GLIS3: variants seen among roughly 807,000 people sequenced by gnomAD.
The protein encoded by GLIS3 is GLIS family zinc finger 3.
In GLIS3, 53 loss-of-function variants were observed where a neutral mutation model predicts 78.6. The ratio of observed to expected loss-of-function variants is 0.67; its 90% CI spans 0.54 to 0.85. The LOEUF is 0.85. Among genes scored for constraint, GLIS3 ranks in the 40% least tolerant of loss-of-function variants. The probability of loss-of-function intolerance (pLI) is 0.00; values close to 1 mark genes in which losing one functional copy is unlikely to be tolerated. For missense variants in GLIS3, 1,703 were observed against 1,231.1 expected (o/e 1.38, Z -5.74); for synonymous variants, 684 against 509.9 (o/e 1.34, Z -4.60).
chr9:4,316,872 TAGA>T (rs34252598), intron 2 of GLIS3, among the ~76,000 whole-genome samples: 63,297 of 151,916 alleles, frequency 0.42, 13,919 homozygotes, highest in African/African-American at 0.57. Flanking sequence ...GATCTTTATT[TAGA>T]AGAAGTTTTT....
intron 8 of GLIS3, among the ~76,000 whole-genome samples, chr9:3,870,982 T>C (rs190308322): frequency 1.3e-5 from 2 of 152,350 alleles, no homozygotes; most frequent in Admixed American, 1.3e-4. Flanking sequence ...GCAAGCTACT[T>C]ATTTCCCAGA....
At chr9:3,860,810 G>A (rs1820165530) in intron 8 of GLIS3, among the ~76,000 whole-genome samples, 1 of 152,168 alleles carries the variant, frequency 6.6e-6, no homozygotes, top group African/African-American at 2.4e-5. Context: ...CATTCAAGGG[G>A]TCTTTGTTGA....
the GLIS3 span, among the ~76,000 whole-genome samples, chr9:4,446,504 ATTTTTTTTT>A: frequency 4.0e-5 from 5 of 124,146 alleles, no homozygotes; most frequent in Admixed American, 8.6e-5. Flanking sequence ...AAATATCCAA[ATTTTTTTTT>A]TTTTTTTTTT....
intron 2 of GLIS3, among the ~76,000 whole-genome samples, chr9:4,273,902 C>T (rs765569611): frequency 1.3e-5 from 2 of 152,142 alleles, no homozygotes; most frequent in African/African-American, 2.4e-5. Flanking sequence ...CCATTTCGTA[C>T]CCTGCCCTGC....
intron 4 of GLIS3, among the ~76,000 whole-genome samples, chr9:4,114,031 C>CT (rs60078321): frequency 0.77 from 116,579 of 152,020 alleles, 44,808 homozygotes; most frequent in East Asian, 0.84. Flanking sequence ...CACGTTCCCC[C>CT]AATTCCCTTA....
chr9:3,876,811 C>A (rs555343309), intron 8 of GLIS3, among the ~76,000 whole-genome samples: 3 of 150,096 alleles, frequency 2.0e-5, no homozygotes, highest in South Asian at 4.3e-4. Flanking sequence ...TACAAACTTT[C>A]AAGAGGAGGA....
At chr9:4,398,872 A>G in the GLIS3 span, among the ~76,000 whole-genome samples, 1 of 152,128 alleles carries the variant, frequency 6.6e-6, no homozygotes, top group South Asian at 2.1e-4. Flanking sequence ...TATTTTTAGT[A>G]GAGACAGGGT....
intron 2 of GLIS3, among the ~76,000 whole-genome samples, chr9:4,282,404 G>A (rs891126386): frequency 6.6e-6 from 1 of 152,170 alleles, no homozygotes; most frequent in African/African-American, 2.4e-5. Flanking sequence ...TAATGTGGGT[G>A]GTTCTCAGCC....
chr9:4,327,938 G>A (rs12351393), intron 2 of GLIS3, among the ~76,000 whole-genome samples: 43,751 of 152,110 alleles, frequency 0.29, 7,466 homozygotes, highest in African/African-American at 0.49. Flanking sequence ...TGCATCAAGA[G>A]CCTGGGCCTT....
the GLIS3 span, among the ~76,000 whole-genome samples, chr9:4,454,429 G>C: frequency 3.9e-5 from 6 of 152,130 alleles, no homozygotes; most frequent in East Asian, 9.6e-4. Context: ...TTACAGATGA[G>C]AAAAATAAAG....
intron 2 of GLIS3, among the ~76,000 whole-genome samples, chr9:4,180,036 G>A (rs1339166552): frequency 6.6e-6 from 1 of 152,012 alleles, no homozygotes; most frequent in Non-Finnish European, 1.5e-5. Context: ...CATTGTTTAT[G>A]CCATTTGACG....
At position 4,087,297 on chromosome 9, in the gene GLIS3, T is replaced by A. The variant is rs192231271; in HGVS notation, c.1710+30471A>T. Among the ~76,000 whole-genome samples the A allele has an allele frequency of 4.2e-4, 64 of 152,274 alleles. 1 individual carries two copies. Among genetic ancestry groups the A allele is most frequent in the South Asian group, 2.7e-3 (13 of 4,826 alleles). On this transcript the variant is annotated intron_variant, in intron 4 of 10. Coordinates refer to ENST00000381971, the MANE Select transcript of GLIS3 (RefSeq NM_001042413.2). ...ATGGATAAACATTTATTATTCCTTC[T>A]CCACTTGCGGCAAAACATACTTTCA...
the GLIS3 span, among the ~76,000 whole-genome samples, chr9:4,397,994 C>G: frequency 6.6e-6 from 1 of 152,064 alleles, no homozygotes; most frequent in Non-Finnish European, 1.5e-5. Context: ...CTGTTCTGCC[C>G]TCAAACTCAG....
intron 2 of GLIS3, among the ~76,000 whole-genome samples, chr9:4,159,046 A>AAAAAAAAAAAAAAAC: frequency 6.6e-6 from 1 of 151,516 alleles, no homozygotes; most frequent in Non-Finnish European, 1.5e-5. Context: ...AAAAAAAAAA[A>AAAAAAAAAAAAAAAC]AAAGCCAGGC....
chr9:4,448,678 C>A, the GLIS3 span, among the ~76,000 whole-genome samples: 1 of 152,232 alleles, frequency 6.6e-6, no homozygotes, highest in Non-Finnish European at 1.5e-5. Flanking sequence ...CAACTTATAT[C>A]ACTGCTGGGC....
chr9:3,989,754 T>A (rs993388493), intron 4 of GLIS3, among the ~76,000 whole-genome samples: 13 of 152,180 alleles, frequency 8.5e-5, no homozygotes, highest in African/African-American at 3.1e-4. Flanking sequence ...GGTGGATGTA[T>A]TTATTAAAGG....
chr9:4,287,105 C>G (rs1397993789), intron 1 of GLIS3, among the ~76,000 whole-genome samples: 1 of 152,124 alleles, frequency 6.6e-6, no homozygotes, highest in Admixed American at 6.5e-5. Context: ...TTCATATATT[C>G]AAATATTCAT....
chr9:3,936,529 GT>G (rs1220895645), intron 5 of GLIS3, among the ~76,000 whole-genome samples: 1 of 151,930 alleles, frequency 6.6e-6, no homozygotes, highest in Non-Finnish European at 1.5e-5. Context: ...ATACCAGGTG[GT>G]TTCTAAAGCA....
chr9:4,456,530 C>T, the GLIS3 span, among the ~76,000 whole-genome samples: 1 of 152,352 alleles, frequency 6.6e-6, no homozygotes, highest in Admixed American at 6.5e-5. Context: ...TGTGTGTTCA[C>T]TGCAGTAGCA....
Sources: gnomAD v4.1 joint callset for allele counts (sites outside exome capture counted in the v4.1 genomes callset) on GRCh38, gnomAD v4.1.1 for gene constraint, MANE v1.5 for transcripts, NCBI Gene and HGNC (gene_info 2026-07-23, HGNC 2026-07-21) for gene names.